The following KIF24 variants were observed in gnomAD, a reference collection of about 807,000 sequenced individuals.
KIF24 encodes the protein kinesin-like protein KIF24.
In KIF24, 81 loss-of-function variants were observed where a neutral mutation model predicts 118.9. The ratio of observed to expected loss-of-function variants is 0.68; its 90% CI spans 0.57 to 0.82. The LOEUF is 0.82. Among genes scored for constraint, KIF24 ranks in the 40% least tolerant of loss-of-function variants. The pLI is 0.00. For synonymous variants in KIF24, 599 were observed against 610.0 expected, an observed-to-expected ratio of 0.98 and a Z score of 0.27; for missense variants, 1,560 against 1,661.6, an observed-to-expected ratio of 0.94 and a Z score of 1.06.
At chr9:34,299,576 A>T (rs990125152) in intron 3 of KIF24, among the ~76,000 whole-genome samples, 1 of 152,072 alleles carries the variant, frequency 6.6e-6, no homozygotes, top group African/African-American at 2.4e-5. Flanking sequence ...AAAAAAATAA[A>T]AGTAACATGT....
Position 34,310,726 on chromosome 9 carries a change from G to C in KIF24, c.621C>G (p.Ile207Met). 2 of 1,574,358 alleles carry C rather than the reference G, an allele frequency of 1.3e-6. No individual in the cohort carries two copies. Among genetic ancestry groups the C allele is most frequent in the South Asian group, 2.4e-5 (2 of 84,072 alleles). ...GYNYGIPHSC[I>M]RQNTSEKQNP... ...GAAAGAAAGATAAAATTTATTACCT[G>C]ATACAAGAATGAGGGATTCCATAGT... The change falls in exon 2 of 13, where the codon ATC (isoleucine) becomes ATG (methionine). Residue 207 changes from isoleucine to methionine, a missense_variant and splice_region_variant. By Grantham distance (10) the Ile-to-Met change is conservative (BLOSUM62 1). Coordinates refer to ENST00000402558, the MANE Select transcript of KIF24 (RefSeq NM_194313.4).
chr9:34,257,375 C>A lies in KIF24; in HGVS notation c.2232G>T (p.Arg744Ser). Residue 744 changes from arginine to serine, a missense_variant, in exon 11 of 13, where the codon AGG becomes AGT. Physicochemically the swap from Arg to Ser is moderately radical, Grantham distance 110. This residue lies in a region of KIF24 where 964 missense variants were observed against 988.0 expected (regional missense o/e 0.98). Transcript: ENST00000402558. ...SQDSQRGTPA[R>S]PASEAWTNIP... ...TGTTTGTCCAAGCTTCAGAGGCAGG[C>A]CTAGCAGGCGTGCCCCTCTGGCTGT... is the stretch of plus-strand genomic sequence containing the variant. The A allele has an allele frequency of 6.2e-7, 1 of 1,614,060 alleles. No individual in the cohort carries two copies. Among genetic ancestry groups the A allele is most frequent in the Non-Finnish European group, 8.5e-7 (1 of 1,179,902 alleles).
rs1834713937 is a variant in KIF24, at chr9:34,253,976, T to C, written c.*404A>G. 1 of 158,198 alleles carries C rather than the reference T, an allele frequency of 6.3e-6. No individual in the cohort carries two copies. Among genetic ancestry groups the C allele is most frequent in the African/African-American group, 2.4e-5 (1 of 41,640 alleles). 9.8% of individuals were successfully genotyped at this position (158,198 alleles called of 1,614,324 possible). On this transcript the variant is annotated 3_prime_UTR_variant, in exon 13 of 13. Transcript: ENST00000402558. ...TGGTGAAGCCTCTGGTCTCAGCATG[T>C]TGTCTTCTCTGTCTTGTGACCTCTG...
rs770568447 is a variant in KIF24 at position 34,257,473 on chromosome 9, C to T, written c.2134G>A (p.Val712Ile). The change falls in exon 11 of 13, where the codon GTA becomes ATA. Residue 712 changes from valine (V) to isoleucine (I), a missense_variant. By Grantham distance (29) the Val-to-Ile change is conservative. Around this residue, in one of 3 missense-constraint regions of KIF24, gnomAD observed 964 missense variants for 988.0 expected, o/e 0.98. Coordinates refer to ENST00000402558, the MANE Select transcript of KIF24 (RefSeq NM_194313.4). ...ACTCGAGACACAAGCTGCTTCTGTA[C>T]TGGCTGCACTGTCTGCACTTTCTTG... ...KCKKVQTVQP[V>I]QKQLVSRVEL... is the part of the protein sequence containing the mutation. 8 of 1,614,088 alleles carry T rather than the reference C, an allele frequency of 5.0e-6. No individual in the cohort carries two copies. In the East Asian group the frequency reaches 1.6e-4, roughly 31 times the overall value.
chr9:34,312,784 C>T lies in KIF24; in HGVS notation c.-25-1413G>A, dbSNP rs566393349. 5.3e-5 allele frequency among the ~76,000 whole-genome samples: 8 copies of T among 152,190 alleles called. No individual in the cohort carries two copies. In the East Asian group the frequency reaches 5.8e-4, roughly 11 times the overall value. ...TGGTATCTTGGCTCACTGCAACTTC[C>T]GCCTCCAGGTTCAAGCAATTCTCCT... On this transcript the variant is annotated intron_variant, in intron 1 of 12. Coordinates refer to ENST00000402558, the MANE Select transcript of KIF24 (RefSeq NM_194313.4).
At chr9:34,316,671 T>C (rs765650041) in intron 1 of KIF24, among the ~76,000 whole-genome samples, 2 of 152,256 alleles carry the variant, frequency 1.3e-5, no homozygotes, top group East Asian at 3.8e-4. Flanking sequence ...TTGAGTTCTG[T>C]TTTATGCCAA....
upstream of KIF24, among the ~76,000 whole-genome samples, chr9:34,332,036 A>C (rs191683719): frequency 1.1e-3 from 161 of 152,352 alleles, no homozygotes; most frequent in Middle Eastern, 0.01. Context: ...GGTCTGTTGC[A>C]ATAGACTTGT....
intron 6 of KIF24, among the ~76,000 whole-genome samples, chr9:34,281,130 A>T (rs1231220951): frequency 6.6e-6 from 1 of 152,072 alleles, no homozygotes; most frequent in Non-Finnish European, 1.5e-5. Flanking sequence ...GGCTCAAGCA[A>T]TTCTCCTGCC....
At chr9:34,324,170 G>A (rs10814098) in intron 1 of KIF24, among the ~76,000 whole-genome samples, 26,769 of 152,064 alleles carry the variant, frequency 0.18, 2,646 homozygotes, top group East Asian at 0.45. Flanking sequence ...AGTTCACCTC[G>A]TAGTAACACA....
At chr9:34,277,334 G>C (rs1457240576) in intron 6 of KIF24, among the ~76,000 whole-genome samples, 15 of 152,086 alleles carry the variant, frequency 9.9e-5, no homozygotes, top group Admixed American at 9.8e-4. Flanking sequence ...CTTATACAAG[G>C]TCACATAGGT....
chr9:34,271,784 T>G (rs1202963237), intron 7 of KIF24, 25 bp downstream of exon 7: 1 of 1,611,466 alleles, frequency 6.2e-7, no homozygotes, highest in Non-Finnish European at 8.5e-7. Flanking sequence ...GCAGACAATG[T>G]AACTCCCTGA....
intron 3 of KIF24, among the ~76,000 whole-genome samples, chr9:34,298,045 G>GA (rs1836552187): frequency 6.6e-6 from 1 of 152,086 alleles, no homozygotes; most frequent in Admixed American, 6.6e-5. Context: ...CTCTGATTAT[G>GA]AAAAAGACTA....
At chr9:34,293,842 ATTAT>A (rs1450607422) in intron 4 of KIF24, among the ~76,000 whole-genome samples, 6 of 152,270 alleles carry the variant, frequency 3.9e-5, no homozygotes, top group African/African-American at 1.4e-4. Context: ...CTACAATGAG[ATTAT>A]TTAATACCCA....
intron 1 of KIF24, among the ~76,000 whole-genome samples, chr9:34,321,309 CA>C (rs201373931): frequency 6.8e-6 from 1 of 147,460 alleles, no homozygotes; most frequent in Non-Finnish European, 1.5e-5. Flanking sequence ...GATTAGGAGG[CA>C]AAAAAAAACC....
At chr9:34,301,372 C>T (rs751640738) in intron 3 of KIF24, among the ~76,000 whole-genome samples, 5 of 152,020 alleles carry the variant, frequency 3.3e-5, no homozygotes, top group African/African-American at 4.8e-5. Context: ...CTCAGCCTCC[C>T]GAGTAGCTGG....
At chr9:34,306,664 T>C (rs1422653585) in intron 2 of KIF24, among the ~76,000 whole-genome samples, 1 of 152,058 alleles carries the variant, frequency 6.6e-6, no homozygotes, top group East Asian at 1.9e-4. Context: ...TAGCCAGGCA[T>C]AGTGGCGTGC....
chr9:34,329,010 G>T (rs1196992042), intron 1 of KIF24, among the ~76,000 whole-genome samples, 96 bp downstream of exon 1: 1 of 152,204 alleles, frequency 6.6e-6, no homozygotes, highest in Non-Finnish European at 1.5e-5. Context: ...GTTTCCTCCC[G>T]CGCTCAGCCG....
chr9:34,290,775 T>A (rs1836228253), intron 4 of KIF24, among the ~76,000 whole-genome samples: 1 of 151,994 alleles, frequency 6.6e-6, no homozygotes, highest in Non-Finnish European at 1.5e-5. Flanking sequence ...AATTTTTGTA[T>A]TTTTAGTAGA....
intron 7 of KIF24, among the ~76,000 whole-genome samples, chr9:34,270,724 C>T (rs1029605541): frequency 6.6e-6 from 1 of 150,878 alleles, no homozygotes; most frequent in Non-Finnish European, 1.5e-5. Flanking sequence ...TCCCAAAGTG[C>T]TGAGATTACA....
Sources: gnomAD v4.1 joint callset for allele counts (sites outside exome capture counted in the v4.1 genomes callset) on GRCh38, gnomAD v4.1.1 for gene constraint, gnomAD v4.1.1 regional missense constraint, MANE v1.5 for transcripts, NCBI Gene and HGNC (gene_info 2026-07-23, HGNC 2026-07-21) for gene names.